IST1: variants seen among roughly 807,000 people sequenced by gnomAD.
IST1 encodes IST1 factor associated with ESCRT-III, also known as IST1 homolog.
A neutral mutation model predicts 37.0 loss-of-function variants in IST1; 23 were observed. The observed-to-expected ratio is 0.62, with a 90% CI of 0.45 to 0.88. The LOEUF is 0.88. Among genes scored for constraint, IST1 ranks in the 40% least tolerant of loss-of-function variants. IST1 has a pLI of 0.00. For synonymous variants in IST1, 180 were observed against 161.7 expected, an observed-to-expected ratio of 1.11 and a Z score of -0.86; for missense variants, 488 against 445.4, an observed-to-expected ratio of 1.10 and a Z score of -0.86.
intron 1 of IST1, among the ~76,000 whole-genome samples, chr16:71,899,773 C>T (rs1446548700): frequency 2.0e-5 from 3 of 152,010 alleles, no homozygotes; most frequent in Non-Finnish European, 2.9e-5. Context: ...CCTGTAATCC[C>T]AGCACTTCGG....
intron 9 of IST1, among the ~76,000 whole-genome samples, chr16:71,925,557 G>A (rs371090301): frequency 2.7e-4 from 41 of 151,908 alleles, no homozygotes; most frequent in African/African-American, 8.9e-4. Flanking sequence ...CTTGTGATCC[G>A]CCTGCCTCAG....
At chr16:71,927,544 TTTTTAC>T in intron 9 of IST1, 64 bp from the exon 10 acceptor site, 1 of 1,139,310 alleles carries the variant, frequency 8.8e-7, no homozygotes, top group East Asian at 2.4e-5. Flanking sequence ...GATCATTTTA[TTTTTAC>T]TGCCAAAGGG....
intron 9 of IST1, 48 bp from the exon 10 acceptor site, chr16:71,927,564 CTG>C: frequency 7.9e-7 from 1 of 1,260,158 alleles, no homozygotes; most frequent in Non-Finnish European, 1.2e-6. Flanking sequence ...CAAAGGGGAT[CTG>C]AGTCATTTCT....
At position 71,921,323 on chromosome 16, in the gene IST1, C is replaced by G; in HGVS notation, c.442-20C>G. ...TGGTTGGTATACATGCATCTTAGCC[C>G]TGGGTCTTTTTACTTACAGCTAATG... On this transcript the variant is annotated intron_variant, in intron 5 of 9. Coordinates refer to ENST00000378799, the MANE Select transcript of IST1 (RefSeq NM_001270975.2). 1 of 1,490,852 alleles carries G rather than the reference C, an allele frequency of 6.7e-7. No homozygotes were observed. The highest frequency in any genetic ancestry group is 9.4e-7 in the Non-Finnish European group (1 of 1,069,178). 92.4% of individuals were successfully genotyped at this position (1,490,852 alleles called of 1,614,324 possible).
chr16:71,916,695 G>GA, intron 3 of IST1, 53 bp downstream of exon 3: 3 of 1,457,180 alleles, frequency 2.1e-6, no homozygotes, highest in East Asian at 2.3e-5. Context: ...TGAGAAAGGA[G>GA]TAATATGATC....
chr16:71,897,299 C>T (rs1160142790), intron 1 of IST1, among the ~76,000 whole-genome samples: 1 of 151,752 alleles, frequency 6.6e-6, no homozygotes, highest in African/African-American at 2.4e-5. Flanking sequence ...ATTTTGAATC[C>T]CCAGTGTTAG....
At chr16:71,913,512 T>C (rs1412341260) in intron 1 of IST1, among the ~76,000 whole-genome samples, 2 of 152,182 alleles carry the variant, frequency 1.3e-5, no homozygotes, top group African/African-American at 4.8e-5. Context: ...TTTGTTTGTT[T>C]GTTTTTGAGA....
At chr16:71,901,919 A>G (rs2142529015) in intron 1 of IST1, among the ~76,000 whole-genome samples, 1 of 152,364 alleles carries the variant, frequency 6.6e-6, no homozygotes, top group African/African-American at 2.4e-5. Context: ...GAAACAGATT[A>G]ATCAGAATTG....
At position 71,916,444 on chromosome 16, in the gene IST1, G is replaced by C. The variant is rs2037468787; in HGVS notation, c.89-18G>C. 6.2e-7 allele frequency: 1 copy of C among 1,610,860 alleles called. No individual in the cohort carries two copies. The highest frequency in any genetic ancestry group is 8.5e-7 in the Non-Finnish European group (1 of 1,179,092). The stretch of plus-strand genomic sequence containing the variant: ...AGTGCTCTACTGCTGTGAGATCGGA[G>C]TGGGATTTGTGTCTTAGCGGAACTG... On this transcript the variant is annotated intron_variant, in intron 2 of 9. Coordinates refer to ENST00000378799, the MANE Select transcript of IST1 (RefSeq NM_001270975.2).
intron 5 of IST1, 109 bp downstream of exon 5, chr16:71,920,931 CT>C (rs1376230212): frequency 1.2e-6 from 1 of 828,042 alleles, no homozygotes; most frequent in South Asian, 1.4e-5. Flanking sequence ...GGGGTTTCAC[CT>C]TTCATAGTGG....
intron 1 of IST1, among the ~76,000 whole-genome samples, chr16:71,909,251 G>A (rs548906263): frequency 6.6e-6 from 1 of 151,968 alleles, no homozygotes; most frequent in South Asian, 2.1e-4. Flanking sequence ...AGGACTACAG[G>A]CGTGCACCCC....
chr16:71,910,702 C>A (rs1334306485), intron 1 of IST1, among the ~76,000 whole-genome samples: 1 of 151,974 alleles, frequency 6.6e-6, no homozygotes, highest in Non-Finnish European at 1.5e-5. Flanking sequence ...GAAACGTAAC[C>A]CTTGGATAAG....
intron 6 of IST1, 49 bp from the exon 7 acceptor site, chr16:71,922,425 C>G: frequency 6.6e-7 from 1 of 1,512,202 alleles, no homozygotes; most frequent in Middle Eastern, 1.8e-4. Context: ...TTCTGGGGAA[C>G]CTGGCCTTGG....
intron 1 of IST1, among the ~76,000 whole-genome samples, chr16:71,906,224 C>T (rs1465767853): frequency 1.3e-5 from 2 of 151,764 alleles, no homozygotes; most frequent in Non-Finnish European, 2.9e-5. Context: ...AGGATGGTCT[C>T]AATCTCCTGA....
At chr16:71,903,153 A>AT (rs976042808) in intron 1 of IST1, 1 of 151,798 alleles carries the variant, frequency 6.6e-6, no homozygotes, top group African/African-American at 2.4e-5. Flanking sequence ...TAATGTTTTA[A>AT]TTTTTTTGTA....
intron 1 of IST1, among the ~76,000 whole-genome samples, chr16:71,905,459 A>G (rs1461288444): frequency 2.0e-5 from 3 of 151,110 alleles, no homozygotes; most frequent in South Asian, 2.1e-4. Context: ...GCTCACTGCA[A>G]CCTTCGTCTG....
chr16:71,899,962 A>G (rs1019741104), intron 1 of IST1, among the ~76,000 whole-genome samples: 1 of 144,390 alleles, frequency 6.9e-6, no homozygotes, highest in Non-Finnish European at 1.5e-5. Flanking sequence ...GCGCCACTGC[A>G]CTCTAGCCTC....
At position 71,922,547 on chromosome 16, in the gene IST1, C is replaced by T. The variant is rs763069965; in HGVS notation, c.626C>T (p.Pro209Leu). ...GFTDDVKKGGPGRGGSGGFTA... is the reference protein window; with the variant it reads ...GFTDDVKKGGLGRGGSGGFTA... Reference sequence around the variant, plus strand: ...ACAGATGATGTGAAGAAAGGAGGCCCTGGAAGAGGAGGGAGTGGTGGCTTC... The same window carrying T: ...ACAGATGATGTGAAGAAAGGAGGCCTTGGAAGAGGAGGGAGTGGTGGCTTC... The change falls in exon 7 of 10, where the codon CCT becomes CTT. Residue 209 changes from proline to leucine, a missense_variant. Physicochemically the swap from Pro to Leu is moderately conservative, Grantham distance 98. This residue lies in a region of IST1 where 455 missense variants were observed against 386.2 expected (regional missense o/e 1.18). Coordinates refer to ENST00000378799, the MANE Select transcript of IST1 (RefSeq NM_001270975.2). 1 of 1,614,024 alleles carries T rather than the reference C, an allele frequency of 6.2e-7. No individual in the cohort carries two copies. Among genetic ancestry groups the T allele is most frequent in the Non-Finnish European group, 8.5e-7 (1 of 1,180,016 alleles).
Position 71,927,875 on chromosome 16 carries a change from A to G in IST1, c.*62A>G. 8.8e-7 allele frequency: 1 copy of G among 1,137,914 alleles called. No homozygotes were observed. The highest frequency in any genetic ancestry group is 1.5e-5 in the African/African-American group (1 of 65,520). The allele number at this position is 1,137,914 out of a possible 1,614,324, so 70.5% of individuals were successfully genotyped here. A position where few individuals can be genotyped will look rare whatever the true frequency, so the allele number is the denominator to read the frequency against. Reference sequence around the variant, plus strand: ...TGAGACTGAGCAATTTCTCCTTGTAACAAAGAATCTCCATGAAATTCTGTT... The same window carrying G: ...TGAGACTGAGCAATTTCTCCTTGTAGCAAAGAATCTCCATGAAATTCTGTT... On this transcript the variant is annotated 3_prime_UTR_variant, in exon 10 of 10. Transcript: ENST00000378799.
Sources: allele counts gnomAD v4.1 joint callset (sites outside exome capture counted in the v4.1 genomes callset), GRCh38; gene constraint gnomAD v4.1.1; regional missense constraint gnomAD v4.1.1; transcripts MANE v1.5; gene names NCBI Gene and HGNC (gene_info 2026-07-23, HGNC 2026-07-21).